KCNT2: variants seen among roughly 807,000 people sequenced by gnomAD.
KCNT2 encodes the protein potassium channel subfamily T member 2.
A neutral mutation model predicts 153.8 loss-of-function variants in KCNT2; 67 were observed. The ratio of observed to expected loss-of-function variants is 0.44; its 90% CI spans 0.36 to 0.53. The LOEUF is 0.53. KCNT2 is among the 20% of genes least tolerant of loss of function. The probability of loss-of-function intolerance (pLI) is 0.00; values close to 1 mark genes in which losing one functional copy is unlikely to be tolerated. For missense variants in KCNT2, 975 were observed against 1,354.8 expected (o/e 0.72, Z 4.40); for synonymous variants, 500 against 458.8 (o/e 1.09, Z -1.15).
chr1:196,541,496 A>T (rs1242148978), intron 1 of KCNT2, among the ~76,000 whole-genome samples: 2 of 152,112 alleles, frequency 1.3e-5, no homozygotes. Flanking sequence ...GTCAGTGTCC[A>T]TATACAAAGT....
At chr1:196,350,378 T>G (rs1164693842) in intron 14 of KCNT2, among the ~76,000 whole-genome samples, 3 of 152,092 alleles carry the variant, frequency 2.0e-5, no homozygotes, top group African/African-American at 7.2e-5. Flanking sequence ...GTTGTTTCCT[T>G]AATTTTTAAC....
At chr1:196,500,062 T>G (rs1378920028) in intron 1 of KCNT2, among the ~76,000 whole-genome samples, 1 of 151,590 alleles carries the variant, frequency 6.6e-6, no homozygotes, top group Non-Finnish European at 1.5e-5. Flanking sequence ...AAGAATCACT[T>G]GAACTTGGGA....
chr1:196,486,245 T>C (rs1307060949), intron 3 of KCNT2, among the ~76,000 whole-genome samples: 1 of 151,970 alleles, frequency 6.6e-6, no homozygotes, highest in African/African-American at 2.4e-5. Context: ...CCTTGCCATA[T>C]ATATCTATAT....
At chr1:196,257,710 T>G in intron 26 of KCNT2, 2 of 983,360 alleles carry the variant, frequency 2.0e-6, no homozygotes, top group Non-Finnish European at 2.4e-6. Flanking sequence ...AAAGCAGTAT[T>G]TGAGCTTCAA....
At chr1:196,593,309 T>TACACACACAC (rs1422252947) in intron 1 of KCNT2, among the ~76,000 whole-genome samples, 215 of 126,688 alleles carry the variant, frequency 1.7e-3, no homozygotes, top group African/African-American at 7.6e-3. Flanking sequence ...TATATATATA[T>TACACACACAC]ATACACACAC....
Position 196,239,247 on chromosome 1 carries a change from T to C in KCNT2, c.3212-3177A>G, listed in dbSNP as rs183702347. Among the ~76,000 whole-genome samples the C allele has an allele frequency of 5.9e-5, 9 of 151,858 alleles. No individual in the cohort carries two copies. In the East Asian group the frequency reaches 1.7e-3, roughly 29 times the overall value. On this transcript the variant is annotated intron_variant, in intron 26 of 27. Coordinates refer to ENST00000294725, the MANE Select transcript of KCNT2 (RefSeq NM_198503.5). Reference sequence around the variant, plus strand: ...TAACCAAAATACGACATTAGCAAAATAAAAAAATTATAAGTTTAAATTATT... The same window carrying C: ...TAACCAAAATACGACATTAGCAAAACAAAAAAATTATAAGTTTAAATTATT...
chr1:196,255,780 T>C (rs1656431549), intron 26 of KCNT2, among the ~76,000 whole-genome samples: 1 of 151,934 alleles, frequency 6.6e-6, no homozygotes, highest in Non-Finnish European at 1.5e-5. Flanking sequence ...AAGTGAAATA[T>C]TGTGTACTTG....
intron 18 of KCNT2, among the ~76,000 whole-genome samples, chr1:196,327,169 C>T (rs1483240374): frequency 1.3e-5 from 2 of 152,002 alleles, no homozygotes; most frequent in Admixed American, 6.6e-5. Flanking sequence ...CTAAAGTTTG[C>T]TGCTAGAAGA....
At chr1:196,380,337 G>A (rs1669370449) in intron 13 of KCNT2, among the ~76,000 whole-genome samples, 1 of 152,158 alleles carries the variant, frequency 6.6e-6, no homozygotes, top group Non-Finnish European at 1.5e-5. Flanking sequence ...TTACAATTGA[G>A]ATGCAAATGC....
intron 5 of KCNT2, among the ~76,000 whole-genome samples, chr1:196,474,152 C>T (rs1289741086): frequency 6.6e-6 from 1 of 152,028 alleles, no homozygotes; most frequent in Non-Finnish European, 1.5e-5. Context: ...ATGCGATTTT[C>T]TAAAATGCAT....
At chr1:196,504,019 G>A (rs542866755) in intron 1 of KCNT2, among the ~76,000 whole-genome samples, 155 of 152,254 alleles carry the variant, frequency 1.0e-3, no homozygotes, top group African/African-American at 3.4e-3. Flanking sequence ...CAATTTGAAG[G>A]AAGAAGGGAA....
intron 25 of KCNT2, among the ~76,000 whole-genome samples, chr1:196,279,027 C>A (rs1009906233): frequency 6.6e-6 from 1 of 152,156 alleles, no homozygotes; most frequent in African/African-American, 2.4e-5. Context: ...AGGTCGGCAA[C>A]AGACACGTAA....
At chr1:196,315,580 G>C (rs1280653311) in intron 21 of KCNT2, among the ~76,000 whole-genome samples, 1 of 151,498 alleles carries the variant, frequency 6.6e-6, no homozygotes, top group Non-Finnish European at 1.5e-5. Flanking sequence ...ACCAATACGA[G>C]AACATGGGCT....
In KCNT2 at chr1:196,226,843, C is replaced by A. The variant is rs892049986; in HGVS notation, c.*1381G>T. Reference sequence around the variant, plus strand: ...GCTGAATTAAACTCAATGTCAAATTCAAAAATTAAAAAATACAAAATTAGA... The same window carrying A: ...GCTGAATTAAACTCAATGTCAAATTAAAAAATTAAAAAATACAAAATTAGA... On this transcript the variant is annotated 3_prime_UTR_variant, in exon 28 of 28. Coordinates refer to ENST00000294725, the MANE Select transcript of KCNT2 (RefSeq NM_198503.5). The A allele has an allele frequency of 6.6e-6, 1 of 151,762 alleles. No individual in the cohort carries two copies. Among genetic ancestry groups the A allele is most frequent in the Non-Finnish European group, 1.5e-5 (1 of 67,798 alleles). The allele number at this position is 151,762 out of a possible 1,614,324, so 9.4% of individuals were successfully genotyped here.
At chr1:196,608,129 TC>T in intron 1 of KCNT2, 85 bp downstream of exon 1, 1 of 1,221,932 alleles carries the variant, frequency 8.2e-7, no homozygotes, top group South Asian at 1.2e-5. Flanking sequence ...GTTTTCCTTT[TC>T]TCCCTCCTTT....
intron 12 of KCNT2, among the ~76,000 whole-genome samples, chr1:196,407,010 C>G (rs78042598): frequency 0.03 from 4,613 of 151,572 alleles, 109 homozygotes; most frequent in South Asian, 0.064. Flanking sequence ...ATTTTGTACT[C>G]TTTCTGAAAG....
chr1:196,463,287 T>A (rs1051664902), intron 8 of KCNT2, among the ~76,000 whole-genome samples: 1 of 151,854 alleles, frequency 6.6e-6, no homozygotes, highest in African/African-American at 2.4e-5. Flanking sequence ...TGTTTATATG[T>A]TTCTTGGTAA....
At chr1:196,505,499 G>C (rs1314642770) in intron 1 of KCNT2, among the ~76,000 whole-genome samples, 2 of 149,566 alleles carry the variant, frequency 1.3e-5, no homozygotes, top group Non-Finnish European at 3.0e-5. Context: ...TTGTAGTATA[G>C]TTTGAAGTCA....
At chr1:196,321,989 C>A (rs1287866743) in intron 19 of KCNT2, among the ~76,000 whole-genome samples, 1 of 151,830 alleles carries the variant, frequency 6.6e-6, no homozygotes, top group Non-Finnish European at 1.5e-5. Context: ...CAAGCACAAC[C>A]TTTACATTGG....
Sources: allele counts gnomAD v4.1 joint callset (sites outside exome capture counted in the v4.1 genomes callset), GRCh38; gene constraint gnomAD v4.1.1; transcripts MANE v1.5; gene names NCBI Gene and HGNC (gene_info 2026-07-23, HGNC 2026-07-21).